S100A2: variants seen among roughly 807,000 people sequenced by gnomAD.
S100A2 encodes protein S100-A2.
A neutral mutation model predicts 4.3 loss-of-function variants in S100A2; 5 were observed. The observed-to-expected ratio is 1.16, with a 90% CI of 0.61 to 2.44. S100A2 has a LOEUF of 2.44. S100A2 is among the 30% of genes most tolerant of loss of function. The pLI is 0.01. For missense variants in S100A2, 103 were observed against 114.7 expected, an observed-to-expected ratio of 0.90 and a Z score of 0.47; for synonymous variants, 44 against 46.0, an observed-to-expected ratio of 0.96 and a Z score of 0.17.
chr1:153,564,066 C>A, intron 1 of S100A2, 179 bp from the exon 2 acceptor site: 2 of 590,934 alleles, frequency 3.4e-6, no homozygotes, highest in Non-Finnish European at 5.8e-6. Context: ...GGCGATACCT[C>A]CATCTCACCC....
At chr1:153,563,387 G>T in intron 2 of S100A2, 1 of 1,455,754 alleles carries the variant, frequency 6.9e-7, no homozygotes. Flanking sequence ...AAAAAAAAAA[G>T]AAAAGAAAAG....
intron 1 of S100A2, chr1:153,564,251 G>A (rs1384328497): frequency 1.7e-5 from 3 of 177,806 alleles, no homozygotes; most frequent in Non-Finnish European, 2.3e-5. Context: ...GGGGAGCAGG[G>A]CCACATGCAC....
rs57778287 is a variant in S100A2, at chr1:153,565,311, C to CAAAAAA, written c.-11+189_-11+194dup. ...TGGGCGACAGAGCGAGACTCCATCT[C>CAAAAAA]AAAAAAAAAAAAAAAAAAAAAAAAC... On this transcript the variant is annotated intron_variant, in intron 1 of 2. Transcript: ENST00000368708. Among the ~76,000 whole-genome samples the CAAAAAA allele has an allele frequency of 8.1e-4, 38 of 46,712 alleles. 1 individual carries two copies. The highest frequency in any genetic ancestry group is 2.5e-3 in the African/African-American group (34 of 13,416). The allele number at this position is 46,712 out of a possible 152,430, so 30.6% of individuals were successfully genotyped here. A position where few individuals can be genotyped will look rare whatever the true frequency, so the allele number is the denominator to read the frequency against.
At chr1:153,564,017 C>T in intron 1 of S100A2, 130 bp from the exon 2 acceptor site, 1 of 892,840 alleles carries the variant, frequency 1.1e-6, no homozygotes, top group Non-Finnish European at 1.7e-6. Context: ...AAGGCAGGGG[C>T]TGCATCTCCC....
intron 2 of S100A2, 68 bp downstream of exon 2, chr1:153,563,666 G>T (rs1369530996): frequency 1.3e-6 from 2 of 1,589,606 alleles, no homozygotes; most frequent in East Asian, 2.2e-5. Context: ...ACCCGGAACT[G>T]GGGGAGAGAT....
intron 2 of S100A2, among the ~76,000 whole-genome samples, chr1:153,562,285 C>A (rs972588877): frequency 1.3e-5 from 2 of 151,990 alleles, no homozygotes; most frequent in African/African-American, 4.8e-5. Flanking sequence ...GGACTACAAG[C>A]GTATGCCACC....
chr1:153,561,301 G>A lies in S100A2; in HGVS notation c.*138C>T. On this transcript the variant is annotated 3_prime_UTR_variant, in exon 3 of 3. Transcript: ENST00000368708. ...GCCCTCATCTCCCAGCACTCCAGCTGAGCCAGCCGGGTTATGGAACATCAC... is the reference window on the plus strand; with the variant it reads ...GCCCTCATCTCCCAGCACTCCAGCTAAGCCAGCCGGGTTATGGAACATCAC... 2 of 1,097,238 alleles carry A rather than the reference G, an allele frequency of 1.8e-6. No individual in the cohort carries two copies. The highest frequency in any genetic ancestry group is 2.6e-6 in the Non-Finnish European group (2 of 763,258). The allele number at this position is 1,097,238 out of a possible 1,614,324, so 68.0% of individuals were successfully genotyped here. A position where few individuals can be genotyped will look rare whatever the true frequency, so the allele number is the denominator to read the frequency against.
At chr1:153,563,562 C>T in intron 2 of S100A2, 172 bp downstream of exon 2, 2 of 1,551,622 alleles carry the variant, frequency 1.3e-6, no homozygotes, top group Non-Finnish European at 1.7e-6. Context: ...ATTAATTAAG[C>T]ACTCCCACTC....
At chr1:153,565,311 CAAAAA>C (rs57778287) in intron 1 of S100A2, among the ~76,000 whole-genome samples, 190 bp downstream of exon 1, 4 of 46,754 alleles carry the variant, frequency 8.6e-5, no homozygotes, top group African/African-American at 3.0e-4. Flanking sequence ...GACTCCATCT[CAAAAA>C]AAAAAAAAAA....
rs1427600397 is a variant in S100A2 at position 153,561,410 on chromosome 1, A to T, written c.*29T>A. 3 of 1,605,086 alleles carry T rather than the reference A, an allele frequency of 1.9e-6. No individual in the cohort carries two copies. Among genetic ancestry groups the T allele is most frequent in the Non-Finnish European group, 2.6e-6 (3 of 1,173,112 alleles). On this transcript the variant is annotated 3_prime_UTR_variant, in exon 3 of 3. Coordinates refer to ENST00000368708, the MANE Select transcript of S100A2 (RefSeq NM_005978.4). ...GCATCAACAGTCCTGGGCCCAAGAGATCCATGGCAGGAAGTCAAGAGTTCT... is the reference window on the plus strand; with the variant it reads ...GCATCAACAGTCCTGGGCCCAAGAGTTCCATGGCAGGAAGTCAAGAGTTCT...
At chr1:153,563,492 CAGAT>C in intron 2 of S100A2, 3 of 1,550,642 alleles carry the variant, frequency 1.9e-6, no homozygotes, top group Non-Finnish European at 2.6e-6. Context: ...CAGGATTAAA[CAGAT>C]GGACTCGGAA....
At chr1:153,564,642 G>A (rs114702645) in intron 1 of S100A2, among the ~76,000 whole-genome samples, 613 of 152,156 alleles carry the variant, frequency 4.0e-3, no homozygotes, top group Non-Finnish European at 6.9e-3. Context: ...CAAGGCCTCT[G>A]AGAATACTCA....
chr1:153,563,593 T>A, intron 2 of S100A2, 141 bp downstream of exon 2: 1 of 1,555,788 alleles, frequency 6.4e-7, no homozygotes, highest in South Asian at 1.2e-5. Flanking sequence ...TCCACTCCAG[T>A]GGAGCCATGA....
At chr1:153,563,282 G>A (rs1665934660) in intron 2 of S100A2, 1 of 845,226 alleles carries the variant, frequency 1.2e-6, no homozygotes, top group Non-Finnish European at 1.8e-6. Flanking sequence ...TGAGACAGGA[G>A]AATTGCTTGA....
In S100A2 at chr1:153,563,897, TG is replaced by T; in HGVS notation, c.-10-11del. ...CATCATGGATCTGTGGCTGCAGAGG[TG>T]CCAGGTGATGGGTACACTGCTGAGG... On this transcript the variant is annotated splice_polypyrimidine_tract_variant and intron_variant, in intron 1 of 2. Coordinates refer to ENST00000368708, the MANE Select transcript of S100A2 (RefSeq NM_005978.4). 2 of 1,612,374 alleles carry T rather than the reference TG, an allele frequency of 1.2e-6. No homozygotes were observed. Among genetic ancestry groups the T allele is most frequent in the Non-Finnish European group, 1.7e-6 (2 of 1,178,988 alleles).
intron 2 of S100A2, among the ~76,000 whole-genome samples, chr1:153,563,203 C>G (rs553242018): frequency 3.2e-4 from 49 of 152,110 alleles, no homozygotes; most frequent in African/African-American, 1.2e-3. Context: ...GAAACCCTGT[C>G]TCTACTAAAA....
chr1:153,564,927 A>G (rs1665976010), intron 1 of S100A2, among the ~76,000 whole-genome samples: 2 of 148,562 alleles, frequency 1.3e-5, no homozygotes, highest in Non-Finnish European at 3.0e-5. Flanking sequence ...CTAGGCCTAG[A>G]CCCCCAAAGA....
chr1:153,561,152 A>G lies in S100A2; in HGVS notation c.*287T>C, dbSNP rs910560950. Reference sequence around the variant, plus strand: ...TTATTTGACAAAATAAAAGTCAGCAACCTATCTCGATTTCCAATTTTTTGC... The same window carrying G: ...TTATTTGACAAAATAAAAGTCAGCAGCCTATCTCGATTTCCAATTTTTTGC... On this transcript the variant is annotated 3_prime_UTR_variant, in exon 3 of 3. Transcript: ENST00000368708. 1 of 294,310 alleles carries G rather than the reference A, an allele frequency of 3.4e-6. No individual in the cohort carries two copies. Among genetic ancestry groups the G allele is most frequent in the East Asian group, 6.1e-5 (1 of 16,418 alleles). The allele number at this position is 294,310 out of a possible 1,614,324, so 18.2% of individuals were successfully genotyped here.
At chr1:153,562,122 C>T (rs1374609760) in intron 2 of S100A2, among the ~76,000 whole-genome samples, 2 of 152,096 alleles carry the variant, frequency 1.3e-5, no homozygotes, top group African/African-American at 2.4e-5. Context: ...CCACCACACC[C>T]AGCTAATTGT....
Sources: allele counts gnomAD v4.1 joint callset (sites outside exome capture counted in the v4.1 genomes callset), GRCh38; gene constraint gnomAD v4.1.1; transcripts MANE v1.5; gene names NCBI Gene and HGNC (gene_info 2026-07-23, HGNC 2026-07-21).